Variants in IPCEF1 observed in about 807,000 individuals in gnomAD.
IPCEF1 encodes interaction protein for cytohesin exchange factors 1.
A neutral mutation model predicts 50.9 loss-of-function variants in IPCEF1; 31 were observed. The observed-to-expected ratio is 0.61, with a 90% CI of 0.46 to 0.82. IPCEF1 has a LOEUF of 0.82. IPCEF1 is among the 40% of genes least tolerant of loss of function. The probability of loss-of-function intolerance (pLI) is 0.00; values close to 1 mark genes in which losing one functional copy is unlikely to be tolerated. For synonymous variants in IPCEF1, 181 were observed against 192.0 expected, an observed-to-expected ratio of 0.94 and a Z score of 0.47; for missense variants, 458 against 514.0, an observed-to-expected ratio of 0.89 and a Z score of 1.05.
In IPCEF1 at chr6:154,158,062, T is replaced by C. The variant is rs1020058898; in HGVS notation, c.*1766A>G. On this transcript the variant is annotated 3_prime_UTR_variant, in exon 12 of 12. Coordinates refer to ENST00000367220, the MANE Select transcript of IPCEF1 (RefSeq NM_001130700.2). Reference sequence around the variant, plus strand: ...TACAACTTGCTTCTTGTTTTTTGTTTTTATTTCTTAATGCTAAGGTTGTTT... The same window carrying C: ...TACAACTTGCTTCTTGTTTTTTGTTCTTATTTCTTAATGCTAAGGTTGTTT... 1.3e-5 allele frequency: 2 copies of C among 152,280 alleles called. No individual in the cohort carries two copies. The highest frequency in any genetic ancestry group is 3.8e-4 in the East Asian group (2 of 5,206). 9.4% of individuals were successfully genotyped at this position (152,280 alleles called of 1,614,324 possible).
chr6:154,189,423 A>G lies in IPCEF1; in HGVS notation c.910+10245T>C, dbSNP rs78096494. Among the ~76,000 whole-genome samples the G allele has an allele frequency of 5.6e-3, 855 of 152,338 alleles. 2 individuals are homozygous for G. The highest frequency in any genetic ancestry group is 0.01 in the Middle Eastern group (3 of 294). On this transcript the variant is annotated intron_variant, in intron 10 of 11. Coordinates refer to ENST00000367220, the MANE Select transcript of IPCEF1 (RefSeq NM_001130700.2). ...TGCAGGCATATGTGGACCAAAATAC[A>G]TATGTAAGAATTTTCATTAAGAGCA...
chr6:154,181,904 T>A (rs1184869507), intron 10 of IPCEF1, among the ~76,000 whole-genome samples: 1 of 152,132 alleles, frequency 6.6e-6, no homozygotes, highest in Non-Finnish European at 1.5e-5. Flanking sequence ...ACTGCAGCCA[T>A]GTATTAAACA....
intron 1 of IPCEF1, among the ~76,000 whole-genome samples, chr6:154,319,479 G>C (rs1171277121): frequency 6.6e-6 from 1 of 152,150 alleles, no homozygotes; most frequent in Non-Finnish European, 1.5e-5. Flanking sequence ...TCAAAAAATT[G>C]TTTCTACTCC....
chr6:154,312,302 A>G (rs983650557), intron 1 of IPCEF1, among the ~76,000 whole-genome samples: 5 of 152,166 alleles, frequency 3.3e-5, no homozygotes, highest in African/African-American at 1.2e-4. Context: ...GGTGGTTGTC[A>G]GGGGCTGGTG....
chr6:154,180,577 A>G (rs943740129), intron 10 of IPCEF1, among the ~76,000 whole-genome samples: 2 of 152,046 alleles, frequency 1.3e-5, no homozygotes, highest in Non-Finnish European at 2.9e-5. Context: ...CTGCTCTGAC[A>G]GCACAGGCAT....
At chr6:154,271,782 G>A (rs2128658375) in intron 2 of IPCEF1, among the ~76,000 whole-genome samples, 1 of 152,192 alleles carries the variant, frequency 6.6e-6, no homozygotes, top group Middle Eastern at 3.4e-3. Context: ...CCAGGAGTAT[G>A]AGACCAGCCT....
At chr6:154,216,960 C>A (rs790258) in intron 7 of IPCEF1, 34,426 of 162,174 alleles carry the variant, frequency 0.21, 4,276 homozygotes, top group Admixed American at 0.4. Flanking sequence ...ACCCAAAAAA[C>A]CCCATAAAAC....
chr6:154,337,130 G>T (rs1783803421), intron 1 of IPCEF1, among the ~76,000 whole-genome samples: 1 of 151,988 alleles, frequency 6.6e-6, no homozygotes, highest in African/African-American at 2.4e-5. Context: ...TATAAATATT[G>T]TATATCAAGA....
chr6:154,160,259 G>A (rs1950005), intron 11 of IPCEF1, among the ~76,000 whole-genome samples: 78,762 of 151,964 alleles, frequency 0.52, 20,645 homozygotes, highest in Middle Eastern at 0.61. Flanking sequence ...AGAGTTAGTG[G>A]AAGAGCTAGA....
intron 5 of IPCEF1, among the ~76,000 whole-genome samples, chr6:154,245,371 G>C (rs2128641261): frequency 6.6e-6 from 1 of 152,242 alleles, no homozygotes; most frequent in Admixed American, 6.5e-5. Flanking sequence ...AATAAGTTTG[G>C]GGGCAGAGCA....
chr6:154,216,228 GATAA>G (rs1271001278), intron 7 of IPCEF1, among the ~76,000 whole-genome samples: 6 of 151,838 alleles, frequency 4.0e-5, no homozygotes, highest in South Asian at 4.2e-4. Context: ...TAAGAAAATG[GATAA>G]ATAAATTATT....
At chr6:154,280,631 A>C (rs1326656681) in intron 2 of IPCEF1, among the ~76,000 whole-genome samples, 1 of 152,216 alleles carries the variant, frequency 6.6e-6, no homozygotes, top group African/African-American at 2.4e-5. Flanking sequence ...GCTAGATCAT[A>C]GTGTTTAGGG....
In IPCEF1 at chr6:154,179,476, C is replaced by T. The variant is rs377127511; in HGVS notation, c.911-11363G>A. Among the ~76,000 whole-genome samples the T allele has an allele frequency of 1.4e-4, 21 of 152,152 alleles. 1 individual carries two copies. In the East Asian group the frequency reaches 3.3e-3, roughly 24 times the overall value. Reference sequence around the variant, plus strand: ...CCGCTTGTCTCTCTCCCATTGGAGACGGGAGCCAAATTAATTATTTCCGCC... The same window carrying T: ...CCGCTTGTCTCTCTCCCATTGGAGATGGGAGCCAAATTAATTATTTCCGCC... On this transcript the variant is annotated intron_variant, in intron 10 of 11. Transcript: ENST00000367220.
At chr6:154,324,289 G>T (rs1783466037) in intron 1 of IPCEF1, among the ~76,000 whole-genome samples, 1 of 152,172 alleles carries the variant, frequency 6.6e-6, no homozygotes, top group South Asian at 2.1e-4. Flanking sequence ...ATCATGGCCA[G>T]TTACAGTGGC....
intron 2 of IPCEF1, among the ~76,000 whole-genome samples, chr6:154,282,674 G>A (rs919744523): frequency 4.6e-5 from 7 of 151,974 alleles, no homozygotes; most frequent in Admixed American, 6.5e-5. Context: ...GCAAAAGAGC[G>A]AGACTCCGTC....
At chr6:154,200,571 A>C (rs1776982411) in intron 9 of IPCEF1, among the ~76,000 whole-genome samples, 1 of 152,030 alleles carries the variant, frequency 6.6e-6, no homozygotes, top group African/African-American at 2.4e-5. Flanking sequence ...AAATACAAAA[A>C]TTAGCCTGGC....
chr6:154,189,364 C>T (rs1801661768), intron 10 of IPCEF1, among the ~76,000 whole-genome samples: 1 of 152,102 alleles, frequency 6.6e-6, no homozygotes, highest in Admixed American at 6.5e-5. Flanking sequence ...TCATGGCCAG[C>T]AATTCCATTT....
At chr6:154,342,088 G>A (rs891494576) in intron 1 of IPCEF1, among the ~76,000 whole-genome samples, 26 of 152,236 alleles carry the variant, frequency 1.7e-4, no homozygotes, top group Middle Eastern at 6.8e-3. Flanking sequence ...GGCCTCAGGC[G>A]TCTCCCGAGA....
intron 10 of IPCEF1, among the ~76,000 whole-genome samples, chr6:154,171,970 A>G (rs1799907781): frequency 6.6e-6 from 1 of 152,244 alleles, no homozygotes; most frequent in African/African-American, 2.4e-5. Flanking sequence ...ACAAACATCA[A>G]CAAGCAAACC....
Sources: allele counts gnomAD v4.1 joint callset (sites outside exome capture counted in the v4.1 genomes callset), GRCh38; gene constraint gnomAD v4.1.1; transcripts MANE v1.5; gene names NCBI Gene and HGNC (gene_info 2026-07-23, HGNC 2026-07-21).